Variants in STMN4 observed in about 807,000 individuals in gnomAD.
STMN4 encodes stathmin 4.
A neutral mutation model predicts 29.1 loss-of-function variants in STMN4; 12 were observed. The observed-to-expected ratio is 0.41, with a 90% CI of 0.26 to 0.67. The LOEUF (loss-of-function observed/expected upper bound fraction) is 0.67. Among genes scored for constraint, STMN4 ranks in the 30% least tolerant of loss-of-function variants. The probability of loss-of-function intolerance (pLI) is 0.30; values close to 1 mark genes in which losing one functional copy is unlikely to be tolerated. For missense variants in STMN4, 181 were observed against 262.8 expected (o/e 0.69, Z 2.15); for synonymous variants, 114 against 105.3 (o/e 1.08, Z -0.51).
At chr8:27,241,656 C>G in intron 4 of STMN4, 21 bp downstream of exon 4, 1 of 1,614,028 alleles carries the variant, frequency 6.2e-7, no homozygotes, top group Non-Finnish European at 8.5e-7. Context: ...CTGCGGAATC[C>G]CTCCGCTGCC....
intron 1 of STMN4, among the ~76,000 whole-genome samples, chr8:27,245,265 A>G (rs1563416964): frequency 6.6e-6 from 1 of 152,218 alleles, no homozygotes; most frequent in Non-Finnish European, 1.5e-5. Flanking sequence ...GCATCAGGAC[A>G]GCTATCAGGT....
intron 1 of STMN4, among the ~76,000 whole-genome samples, chr8:27,245,031 A>T (rs528974695): frequency 6.6e-6 from 1 of 152,074 alleles, no homozygotes; most frequent in East Asian, 1.9e-4. Context: ...TGCTGGCTGG[A>T]GACTGGCAGG....
At chr8:27,238,206 T>C (rs923134271) in intron 6 of STMN4, among the ~76,000 whole-genome samples, 3 of 152,194 alleles carry the variant, frequency 2.0e-5, no homozygotes, top group Non-Finnish European at 2.9e-5. Flanking sequence ...TCCAAGTATC[T>C]GTATTTTTTA....
In STMN4 at chr8:27,240,990, T is replaced by C. The variant is rs191281880; in HGVS notation, c.399+64A>G. 2.0e-4 allele frequency: 309 copies of C among 1,519,456 alleles called. 1 individual carries two copies. The African/African-American group carries it at 3.7e-3, about 18-fold the overall frequency. 94.1% of individuals were successfully genotyped at this position (1,519,456 alleles called of 1,614,324 possible). On this transcript the variant is annotated intron_variant, in intron 5 of 6. Coordinates refer to ENST00000350889, the MANE Select transcript of STMN4 (RefSeq NM_030795.4). The stretch of plus-strand genomic sequence containing the variant: ...CTTATCCCAGCTCAGGTCCACCACC[T>C]GTCTTCTCCACCTCCCTCCCCTTTA...
rs148456796 is a variant in STMN4, at chr8:27,250,468, A to G, written c.-78-6667T>C. On this transcript the variant is annotated intron_variant, in intron 1 of 6. Transcript: ENST00000350889. ...AAAACAGGTCCCTGGATGGGTATCT[A>G]GAGCCATTGGAGCCTTTGGAGGCTC... Among the ~76,000 whole-genome samples the G allele has an allele frequency of 1.4e-3, 214 of 152,336 alleles. 1 individual carries two copies. Among genetic ancestry groups the G allele is most frequent in the Middle Eastern group, 6.8e-3 (2 of 294 alleles).
In STMN4 at chr8:27,235,460, G is replaced by A. The variant is rs772949668; in HGVS notation, c.*1386C>T. On this transcript the variant is annotated 3_prime_UTR_variant, in exon 7 of 7. Transcript: ENST00000350889. ...GTTTGCAGGGGAAGGGAGGAGGAGA[G>A]CTTCTTTTCCAGCCATGGTTCAGTG... 2 of 152,406 alleles carry A rather than the reference G, an allele frequency of 1.3e-5. No individual in the cohort carries two copies. The highest frequency in any genetic ancestry group is 2.9e-5 in the Non-Finnish European group (2 of 68,220). 9.4% of individuals were successfully genotyped at this position (152,406 alleles called of 1,614,324 possible). A position where few individuals can be genotyped will look rare whatever the true frequency, so the allele number is the denominator to read the frequency against.
rs368597887 is a variant in STMN4 at position 27,243,758 on chromosome 8, G to A, written c.-35C>T. ...ATCTGGTGGCTGAATCTAGCTGAAAGTTACAGAGTGGGTCTGTCACCAGCT... is the reference window on the plus strand; with the variant it reads ...ATCTGGTGGCTGAATCTAGCTGAAAATTACAGAGTGGGTCTGTCACCAGCT... On this transcript the variant is annotated 5_prime_UTR_variant, in exon 2 of 7. Coordinates refer to ENST00000350889, the MANE Select transcript of STMN4 (RefSeq NM_030795.4). The A allele has an allele frequency of 4.3e-6, 7 of 1,614,100 alleles. No individual in the cohort carries two copies. Among genetic ancestry groups the A allele is most frequent in the African/African-American group, 4.0e-5 (3 of 74,934 alleles).
chr8:27,243,894 G>A, intron 1 of STMN4, 93 bp from the exon 2 acceptor site: 1 of 1,177,224 alleles, frequency 8.5e-7, no homozygotes, highest in African/African-American at 1.5e-5. Flanking sequence ...GGGAATCTCA[G>A]GGGTACCTCA....
At chr8:27,241,616 C>G in intron 4 of STMN4, 61 bp downstream of exon 4, 1 of 1,597,060 alleles carries the variant, frequency 6.3e-7, no homozygotes, top group Non-Finnish European at 8.6e-7. Context: ...CCCCCGCCCA[C>G]CCCCGGCCAC....
chr8:27,242,781 C>T (rs1801513958), intron 2 of STMN4, among the ~76,000 whole-genome samples: 1 of 152,152 alleles, frequency 6.6e-6, no homozygotes, highest in Admixed American at 6.5e-5. Context: ...AGCAAAATGC[C>T]CTCATGGAAA....
At chr8:27,239,917 C>G (rs780436420) in intron 6 of STMN4, 54 bp downstream of exon 6, 54 of 1,613,740 alleles carry the variant, frequency 3.3e-5, no homozygotes, top group Non-Finnish European at 4.6e-5. Context: ...ATACTTGCTG[C>G]AGAAGGAAAA....
intron 1 of STMN4, among the ~76,000 whole-genome samples, chr8:27,256,322 C>T (rs1801938760): frequency 6.6e-6 from 1 of 151,886 alleles, no homozygotes; most frequent in South Asian, 2.1e-4. Flanking sequence ...CTGATTTGTA[C>T]ACTTAAAAAT....
intron 1 of STMN4, among the ~76,000 whole-genome samples, chr8:27,254,132 G>A (rs1015442725): frequency 6.6e-6 from 1 of 152,192 alleles, no homozygotes; most frequent in African/African-American, 2.4e-5. Context: ...GGCAGGTGCA[G>A]ATGCTAGACA....
intron 2 of STMN4, 120 bp downstream of exon 2, chr8:27,243,591 C>A: frequency 9.5e-7 from 1 of 1,054,536 alleles, no homozygotes; most frequent in Non-Finnish European, 1.5e-6. Flanking sequence ...ACTACCTGCA[C>A]CCCCCCACAC....
intron 2 of STMN4, 31 bp from the exon 3 acceptor site, chr8:27,242,523 C>T (rs1322015115): frequency 5.0e-6 from 8 of 1,605,122 alleles, no homozygotes; most frequent in South Asian, 1.1e-5. Context: ...GTGAGGATGG[C>T]GCCTCTCCTA....
intron 1 of STMN4, among the ~76,000 whole-genome samples, chr8:27,249,079 A>G (rs1801709695): frequency 6.6e-6 from 1 of 151,550 alleles, no homozygotes; most frequent in South Asian, 2.1e-4. Flanking sequence ...TAAGAAATAA[A>G]TTAGTGGGTG....
rs146023467 is a variant in STMN4 at position 27,255,549 on chromosome 8, A to G, written c.-79+2802T>C. On this transcript the variant is annotated intron_variant, in intron 1 of 6. Transcript: ENST00000350889. ...AACACAAAATATCTGAATTTTTCCA[A>G]TCCGTCTATACAGTTGGTTTAATAT... 5.2e-3 allele frequency among the ~76,000 whole-genome samples: 793 copies of G among 152,320 alleles called. 5 individuals carry two copies. Among genetic ancestry groups the G allele is most frequent in the African/African-American group, 0.018 (762 of 41,568 alleles).
intron 6 of STMN4, 184 bp downstream of exon 6, chr8:27,239,787 A>G (rs949937442): frequency 6.5e-7 from 1 of 1,531,268 alleles, no homozygotes; most frequent in Non-Finnish European, 8.8e-7. Context: ...TCTGGTTCCT[A>G]TTTCTTGCCT....
chr8:27,243,682 G>T (rs185497617), intron 2 of STMN4, 29 bp downstream of exon 2: 1 of 1,605,984 alleles, frequency 6.2e-7, no homozygotes, highest in Admixed American at 1.7e-5. Flanking sequence ...AATAGCCTAC[G>T]CCCCTTAACA....
Sources: gnomAD v4.1 joint callset for allele counts (sites outside exome capture counted in the v4.1 genomes callset) on GRCh38, gnomAD v4.1.1 for gene constraint, MANE v1.5 for transcripts, NCBI Gene and HGNC (gene_info 2026-07-23, HGNC 2026-07-21) for gene names.